The following SLC14A2 variants were observed in gnomAD, a reference collection of about 807,000 sequenced individuals.
SLC14A2 encodes the protein urea transporter 2.
Under a neutral mutation model 104.6 loss-of-function variants are expected in SLC14A2, and 91 were observed. The ratio of observed to expected loss-of-function variants is 0.87; its 90% confidence interval spans 0.73 to 1.04. The LOEUF (loss-of-function observed/expected upper bound fraction) is 1.04. Among genes scored for constraint, SLC14A2 ranks in the 50% least tolerant of loss-of-function variants. The pLI is 0.00. For synonymous variants in SLC14A2, 476 were observed against 466.4 expected (o/e 1.02, Z -0.27); for missense variants, 1,189 against 1,156.0 (o/e 1.03, Z -0.41).
chr18:45,281,275 G>T (rs1321605105), intron 1 of SLC14A2, among the ~76,000 whole-genome samples: 2 of 152,060 alleles, frequency 1.3e-5, no homozygotes, highest in East Asian at 1.9e-4. Flanking sequence ...AACCTTATTT[G>T]TATGCTGCTA....
intron 1 of SLC14A2, among the ~76,000 whole-genome samples, chr18:45,325,737 G>A (rs544774455): frequency 7.9e-5 from 12 of 152,256 alleles, no homozygotes; most frequent in African/African-American, 2.9e-4. Context: ...TAGAAGTAAA[G>A]GTGACCTAAG....
chr18:45,417,817 T>G (rs1030110775), intron 1 of SLC14A2, among the ~76,000 whole-genome samples: 1 of 152,174 alleles, frequency 6.6e-6, no homozygotes, highest in African/African-American at 2.4e-5. Flanking sequence ...CAGAAATCAG[T>G]AAATAATATT....
intron 1 of SLC14A2, among the ~76,000 whole-genome samples, chr18:45,273,956 A>G (rs1369316293): frequency 6.6e-6 from 1 of 152,188 alleles, no homozygotes. Context: ...CATTTAATGC[A>G]TTTTATTTAA....
intron 1 of SLC14A2, among the ~76,000 whole-genome samples, chr18:45,265,573 G>A (rs2084583917): frequency 6.6e-6 from 1 of 152,172 alleles, no homozygotes; most frequent in Non-Finnish European, 1.5e-5. Context: ...TGGCTTGAGA[G>A]AGCACCATCA....
chr18:45,443,440 G>A (rs2086713090), intron 1 of SLC14A2, among the ~76,000 whole-genome samples: 1 of 152,198 alleles, frequency 6.6e-6, no homozygotes, highest in African/African-American at 2.4e-5. Flanking sequence ...ATTCTTCTTG[G>A]CCTCTTTGAA....
chr18:45,206,049 C>A, the SLC14A2 span, among the ~76,000 whole-genome samples: 6 of 152,088 alleles, frequency 3.9e-5, no homozygotes, highest in African/African-American at 1.4e-4. Context: ...GATGGATAGG[C>A]CATGAAAATA....
At chr18:45,399,649 A>T (rs749599439) in intron 1 of SLC14A2, among the ~76,000 whole-genome samples, 1 of 151,882 alleles carries the variant, frequency 6.6e-6, no homozygotes, top group Non-Finnish European at 1.5e-5. Context: ...GGAAGAATAC[A>T]TATTATGGTG....
intron 18 of SLC14A2, 41 bp downstream of exon 18, chr18:45,673,858 G>A (rs181855696): frequency 3.1e-5 from 49 of 1,591,128 alleles, no homozygotes; most frequent in African/African-American, 4.0e-5. Flanking sequence ...TTTATAAAAG[G>A]CTTTTTACAT....
At chr18:45,327,970 T>C (rs1398167285) in intron 1 of SLC14A2, among the ~76,000 whole-genome samples, 2 of 152,202 alleles carry the variant, frequency 1.3e-5, no homozygotes, top group Admixed American at 1.3e-4. Context: ...TTGACAGATA[T>C]CATGTTTGTA....
intron 2 of SLC14A2, among the ~76,000 whole-genome samples, chr18:45,574,993 A>AGGAG (rs2044399396): frequency 6.6e-6 from 1 of 152,218 alleles, no homozygotes; most frequent in Non-Finnish European, 1.5e-5. Context: ...AGATGAAGCA[A>AGGAG]GGAGGAGCTC....
upstream of SLC14A2, among the ~76,000 whole-genome samples, chr18:45,209,376 C>CAACAAA (rs1555662463): frequency 3.3e-5 from 5 of 150,582 alleles, 2 homozygotes; most frequent in Non-Finnish European, 7.4e-5. Flanking sequence ...ACAACAACAA[C>CAACAAA]AACTGTGGTC....
chr18:45,381,993 A>G (rs189888690), intron 1 of SLC14A2, among the ~76,000 whole-genome samples: 15 of 152,250 alleles, frequency 9.9e-5, no homozygotes, highest in Admixed American at 8.5e-4. Flanking sequence ...TTTATATAAC[A>G]TTTCCGCTTA....
intron 1 of SLC14A2, among the ~76,000 whole-genome samples, chr18:45,301,895 C>T (rs1005463991): frequency 6.6e-6 from 1 of 152,138 alleles, no homozygotes; most frequent in Non-Finnish European, 1.5e-5. Flanking sequence ...ACTTATGATT[C>T]TCTCCTAAGT....
Position 45,631,387 on chromosome 18 carries a change from G to A in SLC14A2, c.522-963G>A, listed in dbSNP as rs145835518. ...CACCCACAGCCTATGCCCCTCACCC[G>A]GCAGAGCAATTAGAAAGGTCAAGGA... is the stretch of plus-strand genomic sequence containing the variant. On this transcript the variant is annotated intron_variant, in intron 4 of 19. Coordinates refer to ENST00000255226, the MANE Select transcript of SLC14A2 (RefSeq NM_007163.4). 5.1e-3 allele frequency among the ~76,000 whole-genome samples: 773 copies of A among 152,240 alleles called. 9 individuals carry two copies. Among genetic ancestry groups the A allele is most frequent in the African/African-American group, 0.017 (712 of 41,548 alleles).
At chr18:45,336,580 C>T (rs2085340134) in intron 1 of SLC14A2, among the ~76,000 whole-genome samples, 1 of 152,120 alleles carries the variant, frequency 6.6e-6, no homozygotes, top group Non-Finnish European at 1.5e-5. Context: ...TTGCCTCTGT[C>T]CCCCTGTTAC....
At chr18:45,612,272 C>T (rs557590999), upstream of SLC14A2, among the ~76,000 whole-genome samples, 3 of 152,186 alleles carry the variant, frequency 2.0e-5, no homozygotes, top group Admixed American at 6.5e-5. Flanking sequence ...TCAGACTCTG[C>T]GGGCTGGCAA....
chr18:45,432,087 C>T (rs1000639388), intron 1 of SLC14A2, among the ~76,000 whole-genome samples: 2 of 152,138 alleles, frequency 1.3e-5, no homozygotes, highest in African/African-American at 4.8e-5. Context: ...GACAATGCCT[C>T]GTTTGAATAT....
intron 1 of SLC14A2, among the ~76,000 whole-genome samples, chr18:45,267,570 G>A (rs2084605177): frequency 6.6e-6 from 1 of 152,180 alleles, no homozygotes; most frequent in East Asian, 1.9e-4. Flanking sequence ...ATTAATGAAT[G>A]TCTACTATGT....
At chr18:45,312,850 G>T (rs888054242) in intron 1 of SLC14A2, among the ~76,000 whole-genome samples, 3 of 152,112 alleles carry the variant, frequency 2.0e-5, no homozygotes, top group Admixed American at 6.5e-5. Context: ...CCCCAGCTTC[G>T]CATCCCAGAG....
Sources: gnomAD v4.1 joint callset for allele counts (sites outside exome capture counted in the v4.1 genomes callset) on GRCh38, gnomAD v4.1.1 for gene constraint, MANE v1.5 for transcripts, NCBI Gene and HGNC (gene_info 2026-07-23, HGNC 2026-07-21) for gene names.